Variants in TRA2A observed in about 807,000 individuals in gnomAD.
The protein encoded by TRA2A is transformer 2 alpha homolog, also known as transformer-2 protein homolog alpha.
TRA2A carries 31 observed loss-of-function variants against 45.7 expected under a neutral mutation model. That is an observed-to-expected ratio of 0.68 (90% CI 0.51 to 0.92). The LOEUF is 0.92. TRA2A is among the 40% of genes least tolerant of loss of function. The pLI, the probability that TRA2A is intolerant of heterozygous loss-of-function variation, is 0.00. For missense variants in TRA2A, 304 were observed against 367.5 expected (o/e 0.83, Z 1.41); for synonymous variants, 132 against 126.2 (o/e 1.05, Z -0.31).
chr7:23,512,783 A>AG, intron 4 of TRA2A, 111 bp downstream of exon 4: 1 of 1,004,084 alleles, frequency 1.0e-6, no homozygotes, highest in Non-Finnish European at 1.4e-6. Context: ...TAAAAAAAAA[A>AG]AAAAGAAAAA....
At chr7:23,527,988 T>C (rs1790408213) in intron 1 of TRA2A, among the ~76,000 whole-genome samples, 1 of 152,128 alleles carries the variant, frequency 6.6e-6, no homozygotes. Flanking sequence ...AGATAAATGA[T>C]AGTACTTAAA....
intron 2 of TRA2A, among the ~76,000 whole-genome samples, chr7:23,517,409 C>T (rs375834288): frequency 1.8e-4 from 24 of 131,652 alleles, no homozygotes; most frequent in South Asian, 7.8e-4. Context: ...ACCCAGAAGG[C>T]GGAGCTTGCA....
At chr7:23,508,354 A>G (rs2127991175) in intron 4 of TRA2A, among the ~76,000 whole-genome samples, 1 of 151,122 alleles carries the variant, frequency 6.6e-6, no homozygotes, top group Non-Finnish European at 1.5e-5. Context: ...TGTGGCCTCA[A>G]ACTTCTTGGC....
In TRA2A at chr7:23,512,973, T is replaced by C. The variant is rs754976077; in HGVS notation, c.446A>G (p.Asn149Ser). 2.4e-5 allele frequency: 38 copies of C among 1,613,928 alleles called. No homozygotes were observed. The highest frequency in any genetic ancestry group is 3.3e-5 in the South Asian group (3 of 91,084). ...FSRYGPLSGV[N>S]VVYDQRTGRS... ...CCCAGTTCGCTGATCATAAACCACA[T>C]TGACACCACTCAATGGTCCATATCG... is the stretch of plus-strand genomic sequence containing the variant. Residue 149 changes from asparagine to serine, a missense_variant, in exon 4 of 8, where the codon AAT becomes AGT. Around this residue, in one of 3 missense-constraint regions of TRA2A, gnomAD observed 130 missense variants for 217.1 expected, o/e 0.60. Transcript: ENST00000297071.
chr7:23,519,054 G>A lies in TRA2A; in HGVS notation c.171-2526C>T, dbSNP rs984743656. Among the ~76,000 whole-genome samples the A allele has an allele frequency of 4.6e-5, 7 of 152,248 alleles. No homozygotes were observed. In the East Asian group the frequency reaches 1.4e-3, roughly 29 times the overall value. On this transcript the variant is annotated intron_variant, in intron 2 of 7. Transcript: ENST00000297071. ...TCTACTGCTGCTTTTCTAGTTCCCA[G>A]TTGCTCTAATTCCCAGTTGCTTGCA...
At chr7:23,506,513 C>T (rs554340402) in intron 5 of TRA2A, 1 of 426,060 alleles carries the variant, frequency 2.3e-6, no homozygotes, top group South Asian at 8.6e-5. Context: ...ATGCACTGCC[C>T]AAATTAAAAT....
At chr7:23,513,817 A>C (rs1036260411) in intron 3 of TRA2A, among the ~76,000 whole-genome samples, 1 of 152,112 alleles carries the variant, frequency 6.6e-6, no homozygotes, top group African/African-American at 2.4e-5. Context: ...GGGACTTCAC[A>C]TTCTGATTTG....
chr7:23,511,263 C>T (rs1187920238), intron 4 of TRA2A, among the ~76,000 whole-genome samples: 10 of 149,982 alleles, frequency 6.7e-5, no homozygotes, highest in South Asian at 4.2e-4. Context: ...CCCAGCTACT[C>T]GGGAGGCTGA....
At chr7:23,507,999 C>G (rs1174799304) in intron 4 of TRA2A, among the ~76,000 whole-genome samples, 28 of 152,112 alleles carry the variant, frequency 1.8e-4, no homozygotes, top group Non-Finnish European at 3.7e-4. Context: ...AGACTGACTT[C>G]AGAACATTAA....
chr7:23,525,092 G>T (rs1358790127), intron 1 of TRA2A, among the ~76,000 whole-genome samples: 2 of 152,150 alleles, frequency 1.3e-5, no homozygotes, highest in Non-Finnish European at 2.9e-5. Context: ...TAATTATTTA[G>T]AAATAAAGTA....
chr7:23,531,701 A>G (rs1426798978), intron 1 of TRA2A, 88 bp downstream of exon 1: 10 of 1,483,774 alleles, frequency 6.7e-6, no homozygotes, highest in Non-Finnish European at 8.4e-6. Flanking sequence ...TCGCGGGACT[A>G]CCCGCAACCC....
intron 2 of TRA2A, among the ~76,000 whole-genome samples, chr7:23,520,384 G>A (rs963301228): frequency 6.6e-6 from 1 of 152,212 alleles, no homozygotes; most frequent in Non-Finnish European, 1.5e-5. Flanking sequence ...TAGGTTGAAG[G>A]TGGCAAATGC....
intron 2 of TRA2A, among the ~76,000 whole-genome samples, chr7:23,517,503 A>AAAAAAAAAGAGAG (rs764849438): frequency 3.4e-5 from 4 of 116,206 alleles, no homozygotes; most frequent in Non-Finnish European, 5.4e-5. Flanking sequence ...AAAAAAAAAA[A>AAAAAAAAAGAGAG]AGAGAGAAAG....
intron 1 of TRA2A, chr7:23,531,457 G>T: frequency 2.7e-6 from 1 of 367,546 alleles, no homozygotes; most frequent in Non-Finnish European, 4.9e-6. Context: ...GCCTCCTCCC[G>T]CCCAACCGCG....
intron 1 of TRA2A, among the ~76,000 whole-genome samples, chr7:23,523,611 A>G (rs895354919): frequency 9.2e-5 from 14 of 152,228 alleles, no homozygotes; most frequent in Non-Finnish European, 1.3e-4. Context: ...ATTTTCTTTC[A>G]GATAAAAACA....
At chr7:23,513,902 TTGTGGAA>T (rs1789740786) in intron 3 of TRA2A, among the ~76,000 whole-genome samples, 2 of 152,022 alleles carry the variant, frequency 1.3e-5, no homozygotes, top group Non-Finnish European at 2.9e-5. Context: ...AGGAAGTAAT[TTGTGGAA>T]TGTTGAGAAA....
At chr7:23,506,724 T>C (rs1416127854) in intron 5 of TRA2A, among the ~76,000 whole-genome samples, 3 of 152,194 alleles carry the variant, frequency 2.0e-5, no homozygotes, top group Non-Finnish European at 2.9e-5. Flanking sequence ...ATGACTATAT[T>C]CCTTCTTTTA....
In TRA2A at chr7:23,505,130, A is replaced by G. The variant is rs1789254333; in HGVS notation, c.*429T>C. On this transcript the variant is annotated 3_prime_UTR_variant, in exon 8 of 8. Coordinates refer to ENST00000297071, the MANE Select transcript of TRA2A (RefSeq NM_013293.5). ...CCCCAGACAAACCTGACATGACTGAACTACTTCATGTGTTACTTTCCCAAA... is the reference window on the plus strand; with the variant it reads ...CCCCAGACAAACCTGACATGACTGAGCTACTTCATGTGTTACTTTCCCAAA... The G allele has an allele frequency of 1.3e-5, 2 of 158,208 alleles. No individual in the cohort carries two copies. The highest frequency in any genetic ancestry group is 4.8e-5 in the African/African-American group (2 of 41,712). The allele number at this position is 158,208 out of a possible 1,614,324, so 9.8% of individuals were successfully genotyped here. A position where few individuals can be genotyped will look rare whatever the true frequency, so the allele number is the denominator to read the frequency against.
chr7:23,519,953 C>T (rs1218473266), intron 2 of TRA2A, among the ~76,000 whole-genome samples: 1 of 152,150 alleles, frequency 6.6e-6, no homozygotes, highest in Admixed American at 6.6e-5. Flanking sequence ...TCCAGCTGGG[C>T]GCAGTGGCTC....
Sources: gnomAD v4.1 joint callset for allele counts (sites outside exome capture counted in the v4.1 genomes callset) on GRCh38, gnomAD v4.1.1 for gene constraint, gnomAD v4.1.1 regional missense constraint, MANE v1.5 for transcripts, NCBI Gene and HGNC (gene_info 2026-07-23, HGNC 2026-07-21) for gene names.